The following CENPP variants were observed in gnomAD, a reference collection of about 807,000 sequenced individuals.
CENPP encodes the protein centromere protein P.
A neutral mutation model predicts 35.6 loss-of-function variants in CENPP; 24 were observed. The observed-to-expected ratio is 0.67, with a 90% CI of 0.49 to 0.95. The LOEUF is 0.95. Among genes scored for constraint, CENPP ranks in the 40% least tolerant of loss-of-function variants. The pLI is 0.00. For missense variants in CENPP, 332 were observed against 345.3 expected, an observed-to-expected ratio of 0.96 and a Z score of 0.31; for synonymous variants, 120 against 125.5, an observed-to-expected ratio of 0.96 and a Z score of 0.29.
intron 5 of CENPP, among the ~76,000 whole-genome samples, chr9:92,558,143 A>G (rs1313802546): frequency 6.6e-6 from 1 of 152,090 alleles, no homozygotes; most frequent in Non-Finnish European, 1.5e-5. Flanking sequence ...TTTCAGATAA[A>G]TCACAGATTT....
At chr9:92,385,973 C>T (rs1026274484) in intron 5 of CENPP, among the ~76,000 whole-genome samples, 2 of 152,210 alleles carry the variant, frequency 1.3e-5, no homozygotes, top group African/African-American at 4.8e-5. Context: ...GAGCAGACTT[C>T]ACACGTACTG....
chr9:92,589,187 A>C (rs1301666156), intron 5 of CENPP, among the ~76,000 whole-genome samples: 1 of 151,634 alleles, frequency 6.6e-6, no homozygotes, highest in Non-Finnish European at 1.5e-5. Flanking sequence ...AAAAAAAAAA[A>C]AATTAGCTGG....
chr9:92,500,785 G>A (rs547551173), intron 5 of CENPP: 2 of 1,613,988 alleles, frequency 1.2e-6, no homozygotes, highest in Non-Finnish European at 1.7e-6. Context: ...TGTATCCCAG[G>A]TGGTATAGAT....
intron 3 of CENPP, 146 bp downstream of exon 3, chr9:92,337,775 T>A: frequency 1.5e-6 from 1 of 655,676 alleles, no homozygotes; most frequent in Non-Finnish European, 2.8e-6. Context: ...TGCAAAGTGG[T>A]ACATTTTCAA....
intron 5 of CENPP, chr9:92,494,004 T>A: frequency 2.1e-6 from 3 of 1,449,780 alleles, no homozygotes; most frequent in Non-Finnish European, 2.8e-6. Flanking sequence ...CCCAGTGTGC[T>A]CGTCGCATTG....
At chr9:92,329,692 G>C (rs992725945) in intron 1 of CENPP, among the ~76,000 whole-genome samples, 1 of 151,986 alleles carries the variant, frequency 6.6e-6, no homozygotes, top group Non-Finnish European at 1.5e-5. Context: ...GGGACTGAAG[G>C]CATGGCACCT....
chr9:92,583,125 G>A (rs1352879200), intron 5 of CENPP, among the ~76,000 whole-genome samples: 1 of 152,132 alleles, frequency 6.6e-6, no homozygotes, highest in Non-Finnish European at 1.5e-5. Flanking sequence ...GTCTGATTGG[G>A]TCGTCTTGGG....
At chr9:92,402,743 G>T (rs1843169923) in intron 5 of CENPP, among the ~76,000 whole-genome samples, 1 of 152,158 alleles carries the variant, frequency 6.6e-6, no homozygotes, top group African/African-American at 2.4e-5. Flanking sequence ...GGTACTGTAT[G>T]TAGATGGCAT....
intron 5 of CENPP, among the ~76,000 whole-genome samples, chr9:92,442,231 C>G (rs903833622): frequency 6.6e-6 from 1 of 151,772 alleles, no homozygotes; most frequent in Non-Finnish European, 1.5e-5. Flanking sequence ...AACCCCGTCT[C>G]TACTAAAAAT....
intron 5 of CENPP, chr9:92,514,706 T>C (rs1208512037): frequency 3.1e-6 from 5 of 1,613,582 alleles, no homozygotes; most frequent in Non-Finnish European, 4.2e-6. Flanking sequence ...ATGCAGCTGA[T>C]GGTCCTGTAG....
chr9:92,376,873 T>A (rs994346835), intron 4 of CENPP, among the ~76,000 whole-genome samples: 1 of 151,986 alleles, frequency 6.6e-6, no homozygotes, highest in African/African-American at 2.4e-5. Context: ...AAACCCTGTC[T>A]GTACTAAAAA....
At chr9:92,447,671 A>G (rs1844588305) in intron 5 of CENPP, among the ~76,000 whole-genome samples, 1 of 152,162 alleles carries the variant, frequency 6.6e-6, no homozygotes, top group Admixed American at 6.6e-5. Flanking sequence ...TCCAACAAGA[A>G]TGTGATTGTG....
chr9:92,562,859 G>A (rs1849881520), intron 5 of CENPP, among the ~76,000 whole-genome samples: 1 of 152,110 alleles, frequency 6.6e-6, no homozygotes, highest in Admixed American at 6.6e-5. Flanking sequence ...ACTTATGGGG[G>A]GGATAAAGAG....
intron 5 of CENPP, among the ~76,000 whole-genome samples, chr9:92,523,412 ACCAGCCTCAACACCAC>A (rs1218510953): frequency 1.3e-5 from 2 of 152,150 alleles, no homozygotes; most frequent in Non-Finnish European, 2.9e-5. Flanking sequence ...TATGTTGGGG[ACCAGCCTCAACACCAC>A]CCATAGGGTA....
rs1851517812 is a variant in CENPP, at chr9:92,618,502, T to C, written c.*5353T>C. 6.6e-6 allele frequency: 3 copies of C among 456,598 alleles called. No homozygotes were observed. The highest frequency in any genetic ancestry group is 8.8e-6 in the Non-Finnish European group (2 of 226,982). The allele number at this position is 456,598 out of a possible 1,614,324, so 28.3% of individuals were successfully genotyped here. ...AAGGGCACCCTGCATCCAAGCACAT[T>C]TCCATTGCCCAGCTGCATCCTTGGT... On this transcript the variant is annotated 3_prime_UTR_variant, in exon 8 of 8. Transcript: ENST00000375587.
chr9:92,350,683 A>G (rs906079780), intron 4 of CENPP, among the ~76,000 whole-genome samples: 1 of 152,156 alleles, frequency 6.6e-6, no homozygotes, highest in Admixed American at 6.6e-5. Flanking sequence ...TTTTTGGAAA[A>G]CAATTTTTTT....
chr9:92,415,575 T>G (rs1292119871), intron 5 of CENPP: 2 of 507,502 alleles, frequency 3.9e-6, no homozygotes, highest in Admixed American at 8.5e-5. Context: ...GGGATATAAT[T>G]CTGTTAATTA....
At chr9:92,552,325 C>T (rs985256830) in intron 5 of CENPP, among the ~76,000 whole-genome samples, 3 of 151,824 alleles carry the variant, frequency 2.0e-5, no homozygotes, top group Non-Finnish European at 4.4e-5. Context: ...GTATCTTTTT[C>T]GAATAATGAT....
At chr9:92,472,918 C>T (rs929263338) in intron 5 of CENPP, among the ~76,000 whole-genome samples, 4 of 152,150 alleles carry the variant, frequency 2.6e-5, no homozygotes, top group Non-Finnish European at 5.9e-5. Flanking sequence ...CCTACTCCTG[C>T]CCTGCCCCTG....
Sources: gnomAD v4.1 joint callset for allele counts (sites outside exome capture counted in the v4.1 genomes callset) on GRCh38, gnomAD v4.1.1 for gene constraint, MANE v1.5 for transcripts, NCBI Gene and HGNC (gene_info 2026-07-23, HGNC 2026-07-21) for gene names.